Variants in MAML1 observed in about 807,000 individuals in gnomAD.
The protein encoded by MAML1 is mastermind-like protein 1.
A neutral mutation model predicts 77.1 loss-of-function variants in MAML1; 14 were observed. The observed-to-expected ratio is 0.18, with a 90% confidence interval of 0.12 to 0.28. The LOEUF is 0.28. Among genes scored for constraint, MAML1 ranks in the 10% least tolerant of loss-of-function variants. The pLI is 1.00. For missense variants in MAML1, 1,217 were observed against 1,327.8 expected, an observed-to-expected ratio of 0.92 and a Z score of 1.30; for synonymous variants, 516 against 551.9, an observed-to-expected ratio of 0.93 and a Z score of 0.91.
chr5:179,774,960 CA>C lies in MAML1; in HGVS notation c.*87del. The C allele has an allele frequency of 6.6e-7, 1 of 1,509,340 alleles. No individual in the cohort carries two copies. Among genetic ancestry groups the C allele is most frequent in the Non-Finnish European group, 8.8e-7 (1 of 1,136,186 alleles). The allele number at this position is 1,509,340 out of a possible 1,614,324, so 93.5% of individuals were successfully genotyped here. ...CAAAGAAAGAGCAACTACTTTGGAC[CA>C]AAAGCCCATGGCCTGGGGAGCTGGG... On this transcript the variant is annotated 3_prime_UTR_variant, in exon 5 of 5. Coordinates refer to ENST00000292599, the MANE Select transcript of MAML1 (RefSeq NM_014757.5).
chr5:179,753,456 T>C (rs900357529), intron 1 of MAML1, among the ~76,000 whole-genome samples: 41 of 152,020 alleles, frequency 2.7e-4, no homozygotes, highest in Non-Finnish European at 2.9e-5. Flanking sequence ...ACAAGTAGAT[T>C]CAATTGTTTT....
Position 179,733,161 on chromosome 5 carries a change from A to G in MAML1, c.49A>G (p.Ser17Gly). ...PMAEFALPRHSAVMERLRRRI... is the reference protein window; with the variant it reads ...PMAEFALPRHGAVMERLRRRI... ...GGCGGAGTTCGCGCTGCCGCGGCAC[A>G]GCGCGGTCATGGAGCGCCTTCGCCG... The change falls in exon 1 of 5, where the codon AGC (serine) becomes GGC (glycine). Residue 17 changes from serine to glycine, a missense_variant. Physicochemically the swap from Ser to Gly is moderately conservative, Grantham distance 56. Around this residue, in one of 3 missense-constraint regions of MAML1, gnomAD observed 312 missense variants for 331.4 expected, o/e 0.94. Coordinates refer to ENST00000292599, the MANE Select transcript of MAML1 (RefSeq NM_014757.5). The G allele has an allele frequency of 6.8e-7, 1 of 1,461,208 alleles. No individual in the cohort carries two copies. 90.5% of individuals were successfully genotyped at this position (1,461,208 alleles called of 1,614,324 possible).
Position 179,765,638 on chromosome 5 carries a change from C to G in MAML1, c.628C>G (p.Leu210Val), listed in dbSNP as rs1779802889. 1 of 1,614,096 alleles carries G rather than the reference C, an allele frequency of 6.2e-7. No individual in the cohort carries two copies. Among genetic ancestry groups the G allele is most frequent in the African/African-American group, 1.3e-5 (1 of 74,936 alleles). Residue 210 changes from leucine (L) to valine (V), a missense_variant, in exon 2 of 5, where the codon CTG becomes GTG. Physicochemically the swap from Leu to Val is conservative, Grantham distance 32 (BLOSUM62 1). Around this residue, in one of 3 missense-constraint regions of MAML1, gnomAD observed 312 missense variants for 331.4 expected, o/e 0.94. Coordinates refer to ENST00000292599, the MANE Select transcript of MAML1 (RefSeq NM_014757.5). ...CAGTAACCCCAGTGAGTCATTTCCT[C>G]TGAGCCTGAATAAAGAACTGAAGCA... ...GGSNPSESFP[L>V]SLNKELKQEP...
chr5:179,758,126 A>T (rs1362953073), intron 1 of MAML1, among the ~76,000 whole-genome samples: 1 of 152,222 alleles, frequency 6.6e-6, no homozygotes, highest in Non-Finnish European at 1.5e-5. Context: ...ATTTAAAAAG[A>T]TGATGTGAAA....
intron 1 of MAML1, among the ~76,000 whole-genome samples, chr5:179,753,133 T>G (rs1438774416): frequency 1.3e-5 from 2 of 152,158 alleles, no homozygotes; most frequent in African/African-American, 4.8e-5. Flanking sequence ...AAGACTGTAT[T>G]TATAATTACT....
At chr5:179,768,154 C>G (rs1217673281) in intron 2 of MAML1, among the ~76,000 whole-genome samples, 2 of 152,242 alleles carry the variant, frequency 1.3e-5, no homozygotes, top group Non-Finnish European at 2.9e-5. Flanking sequence ...CCAAAGCCCC[C>G]TTCAAAGTGT....
Position 179,766,365 on chromosome 5 carries a change from C to G in MAML1, c.1355C>G (p.Pro452Arg). Residue 452 changes from proline to arginine, a missense_variant, in exon 2 of 5, where the codon CCT becomes CGT. Pro to Arg is a moderately radical substitution (Grantham distance 103). Coordinates refer to ENST00000292599, the MANE Select transcript of MAML1 (RefSeq NM_014757.5). This position sits in a 1 kb window ranked among gnomAD's most constrained non-coding sequence, Gnocchi z 4.0. ...VPYPMEKPAS[P>R]SSYKQDFTNS... ...TACCCCATGGAGAAGCCTGCCAGCC[C>G]TTCCAGCTACAAGCAAGACTTCACT... The G allele has an allele frequency of 6.2e-7, 1 of 1,606,712 alleles. No homozygotes were observed. Among genetic ancestry groups the G allele is most frequent in the Non-Finnish European group, 8.5e-7 (1 of 1,175,802 alleles).
In MAML1 at chr5:179,733,520, C is replaced by T. The variant is rs576616264; in HGVS notation, c.315+93C>T. ...GCGGATCGGGCCGCTGGGAGACTTC[C>T]CCAGGCGTCCGCGACTCCTGGATCT... On this transcript the variant is annotated intron_variant, in intron 1 of 4. Coordinates refer to ENST00000292599, the MANE Select transcript of MAML1 (RefSeq NM_014757.5). 4.0e-4 allele frequency: 380 copies of T among 959,658 alleles called. 1 individual carries two copies. Among genetic ancestry groups the T allele is most frequent in the Non-Finnish European group, 4.5e-4 (362 of 798,078 alleles). 59.4% of individuals were successfully genotyped at this position (959,658 alleles called of 1,614,324 possible). A position where few individuals can be genotyped will look rare whatever the true frequency, so the allele number is the denominator to read the frequency against.
At chr5:179,745,196 T>C (rs144433379) in intron 1 of MAML1, among the ~76,000 whole-genome samples, 5,603 of 151,912 alleles carry the variant, frequency 0.037, 126 homozygotes, top group African/African-American at 0.053. Context: ...TGAGCCACCG[T>C]GCCCGGCCGC....
At chr5:179,748,239 C>T (rs555151642) in intron 1 of MAML1, among the ~76,000 whole-genome samples, 24 of 152,052 alleles carry the variant, frequency 1.6e-4, no homozygotes, top group Admixed American at 4.6e-4. Context: ...CCTGCCACCA[C>T]GCCTGGCTAA....
intron 1 of MAML1, among the ~76,000 whole-genome samples, chr5:179,746,794 G>A (rs1779391431): frequency 6.6e-6 from 1 of 152,176 alleles, no homozygotes; most frequent in Non-Finnish European, 1.5e-5. Flanking sequence ...TGAAAACTAA[G>A]AATTAGAAAC....
chr5:179,758,858 C>T lies in MAML1; in HGVS notation c.316-6468C>T, dbSNP rs1395056892. ...TCTCTACTCAAAATACAAAAATTAG[C>T]CAGGCATGGTGGCGCACGCCTGTCA... is the stretch of plus-strand genomic sequence containing the variant. On this transcript the variant is annotated intron_variant, in intron 1 of 4. Transcript: ENST00000292599. 5.9e-5 allele frequency among the ~76,000 whole-genome samples: 9 copies of T among 152,080 alleles called. No individual in the cohort carries two copies. In the South Asian group the frequency reaches 6.2e-4, roughly 11 times the overall value.
rs1020874796 is a variant in MAML1 at position 179,771,740 on chromosome 5, C to T, written c.2068+497C>T. Among the ~76,000 whole-genome samples the T allele has an allele frequency of 3.9e-5, 6 of 152,318 alleles. No homozygotes were observed. Among genetic ancestry groups the T allele is most frequent in the Admixed American group, 6.5e-5 (1 of 15,302 alleles). ...AGGAAGCACACTTGAGTCTAGCTGTCGCCTCTGAGATGTGCCAGGGAACTT... is the reference window on the plus strand; with the variant it reads ...AGGAAGCACACTTGAGTCTAGCTGTTGCCTCTGAGATGTGCCAGGGAACTT... On this transcript the variant is annotated intron_variant, in intron 4 of 4. Transcript: ENST00000292599. This position sits in a 1 kb window ranked among gnomAD's most constrained non-coding sequence, Gnocchi z 4.7.
chr5:179,751,069 G>C (rs1779479606), intron 1 of MAML1, among the ~76,000 whole-genome samples: 1 of 152,160 alleles, frequency 6.6e-6, no homozygotes, highest in Admixed American at 6.6e-5. Flanking sequence ...TGCCTCCTGG[G>C]TTCAAGCGAT....
chr5:179,733,031 G>T lies in MAML1; in HGVS notation c.-82G>T, dbSNP rs1324676633. 4.7e-5 allele frequency: 42 copies of T among 890,164 alleles called. No individual in the cohort carries two copies. Among genetic ancestry groups the T allele is most frequent in the Non-Finnish European group, 5.9e-5 (40 of 682,250 alleles). The allele number at this position is 890,164 out of a possible 1,614,324, so 55.1% of individuals were successfully genotyped here. A position where few individuals can be genotyped will look rare whatever the true frequency, so the allele number is the denominator to read the frequency against. On this transcript the variant is annotated 5_prime_UTR_variant, in exon 1 of 5. Transcript: ENST00000292599. The stretch of plus-strand genomic sequence containing the variant: ...TGGCGCGGCCGTGAGGCGGAGAGGG[G>T]TAGCCGCGGGGAGCGAAGCCCGCAG...
At chr5:179,739,208 C>T (rs996406141) in intron 1 of MAML1, among the ~76,000 whole-genome samples, 1 of 152,026 alleles carries the variant, frequency 6.6e-6, no homozygotes, top group Non-Finnish European at 1.5e-5. Context: ...AATAACAGTA[C>T]AACAATTAAC....
Position 179,776,338 on chromosome 5 carries a change from A to G in MAML1, c.*1461A>G, listed in dbSNP as rs1756133301. 5.1e-6 allele frequency: 5 copies of G among 985,756 alleles called. No homozygotes were observed. The highest frequency in any genetic ancestry group is 4.8e-6 in the Non-Finnish European group (4 of 829,962). The allele number at this position is 985,756 out of a possible 1,614,324, so 61.1% of individuals were successfully genotyped here. A position where few individuals can be genotyped will look rare whatever the true frequency, so the allele number is the denominator to read the frequency against. On this transcript the variant is annotated 3_prime_UTR_variant, in exon 5 of 5. Coordinates refer to ENST00000292599, the MANE Select transcript of MAML1 (RefSeq NM_014757.5). ...GAGAATTGAGCCAAGGAAAATACTCATGCAACCAGCCTGAGTCGCGGTGAG... is the reference window on the plus strand; with the variant it reads ...GAGAATTGAGCCAAGGAAAATACTCGTGCAACCAGCCTGAGTCGCGGTGAG...
At chr5:179,739,851 T>C (rs962144807) in intron 1 of MAML1, among the ~76,000 whole-genome samples, 1 of 152,174 alleles carries the variant, frequency 6.6e-6, no homozygotes, top group African/African-American at 2.4e-5. Context: ...TGGATTTTGG[T>C]GTCCCGGCGA....
At chr5:179,748,631 T>C (rs987100816) in intron 1 of MAML1, among the ~76,000 whole-genome samples, 20 of 152,244 alleles carry the variant, frequency 1.3e-4, no homozygotes, top group Admixed American at 7.9e-4. Flanking sequence ...ACCTATAAAA[T>C]AGTTGATAAC....
Sources: gnomAD v4.1 joint callset for allele counts (sites outside exome capture counted in the v4.1 genomes callset) on GRCh38, gnomAD v4.1.1 for gene constraint, gnomAD v4.1.1 regional missense constraint, Gnocchi (gnomAD v3.1) non-coding constraint, MANE v1.5 for transcripts, NCBI Gene and HGNC (gene_info 2026-07-23, HGNC 2026-07-21) for gene names.